CDK14: variants seen among roughly 807,000 people sequenced by gnomAD.
CDK14 encodes cyclin-dependent kinase 14.
Under a neutral mutation model 60.7 loss-of-function variants are expected in CDK14, and 34 were observed. The observed-to-expected ratio is 0.56, with a 90% CI of 0.43 to 0.75. CDK14 has a LOEUF of 0.75. Among genes scored for constraint, CDK14 ranks in the 30% least tolerant of loss-of-function variants. CDK14 has a pLI of 0.00. For missense variants in CDK14, 482 were observed against 564.1 expected (o/e 0.85, Z 1.47); for synonymous variants, 197 against 203.7 (o/e 0.97, Z 0.28).
intron 4 of CDK14, among the ~76,000 whole-genome samples, chr7:90,761,297 T>G (rs1804301862): frequency 6.6e-6 from 1 of 151,700 alleles, no homozygotes; most frequent in Non-Finnish European, 1.5e-5. Context: ...ATGTCAGCTA[T>G]GCCCATCTGG....
chr7:90,962,664 A>G (rs1794635394), intron 9 of CDK14, among the ~76,000 whole-genome samples: 1 of 152,174 alleles, frequency 6.6e-6, no homozygotes, highest in Non-Finnish European at 1.5e-5. Context: ...ACTACCAAAT[A>G]TTTTTAAGAA....
intron 11 of CDK14, among the ~76,000 whole-genome samples, chr7:91,063,704 G>A (rs915879463): frequency 1.3e-5 from 2 of 152,186 alleles, no homozygotes; most frequent in African/African-American, 4.8e-5. Context: ...CGTATTTGTG[G>A]ATTTTATTCA....
intron 10 of CDK14, among the ~76,000 whole-genome samples, chr7:91,026,964 C>T (rs908682823): frequency 1.3e-5 from 2 of 152,098 alleles, no homozygotes; most frequent in African/African-American, 4.8e-5. Flanking sequence ...TTCCTTGGTA[C>T]ACTTAGGCAA....
At chr7:91,031,389 G>A (rs945605084) in intron 10 of CDK14, among the ~76,000 whole-genome samples, 8 of 151,622 alleles carry the variant, frequency 5.3e-5, no homozygotes, top group East Asian at 1.9e-4. Context: ...GAGTTTGGAC[G>A]AATCTTAGCA....
intron 14 of CDK14, among the ~76,000 whole-genome samples, chr7:91,139,947 T>C (rs1002940427): frequency 6.6e-6 from 1 of 151,714 alleles, no homozygotes; most frequent in African/African-American, 2.4e-5. Flanking sequence ...TTAATCCCAT[T>C]GAAAAAAACT....
intron 14 of CDK14, among the ~76,000 whole-genome samples, chr7:91,160,157 G>A: frequency 6.6e-6 from 1 of 152,084 alleles, no homozygotes; most frequent in South Asian, 2.1e-4. Context: ...TGTTCAGGAG[G>A]GAGAAAATGA....
rs535908755 is a variant in CDK14, at chr7:90,603,986, G to A, written c.92-232G>A. 3.9e-5 allele frequency among the ~76,000 whole-genome samples: 6 copies of A among 152,308 alleles called. 1 individual carries two copies. In the South Asian group the frequency reaches 1.2e-3, roughly 32 times the overall value. ...GTGTGCTTCTTTCTAATATCTGGGA[G>A]GATAGTTCTATTTGCATATTTATAA... On this transcript the variant is annotated intron_variant, in intron 1 of 14. Coordinates refer to ENST00000380050, the MANE Select transcript of CDK14 (RefSeq NM_001287135.2).
chr7:90,656,070 G>T (rs1404169142), intron 2 of CDK14, among the ~76,000 whole-genome samples: 2 of 152,144 alleles, frequency 1.3e-5, no homozygotes, highest in African/African-American at 4.8e-5. Context: ...AACCTTTTGC[G>T]ACTTCCAGGC....
At chr7:90,810,457 T>G (rs1235928893) in intron 5 of CDK14, among the ~76,000 whole-genome samples, 1 of 152,174 alleles carries the variant, frequency 6.6e-6, no homozygotes, top group Non-Finnish European at 1.5e-5. Flanking sequence ...AATTAGGTAT[T>G]GATGGGAGGT....
intron 8 of CDK14, among the ~76,000 whole-genome samples, chr7:90,921,053 T>A (rs1793234966): frequency 1.3e-5 from 2 of 152,240 alleles, no homozygotes; most frequent in South Asian, 4.1e-4. Context: ...GCTTTCCTAA[T>A]GCAGAGGTTT....
intron 2 of CDK14, among the ~76,000 whole-genome samples, chr7:90,684,087 A>G (rs1204790015): frequency 6.6e-6 from 1 of 152,170 alleles, no homozygotes; most frequent in Non-Finnish European, 1.5e-5. Flanking sequence ...CCTAACTTGC[A>G]ACGACTTCAA....
At chr7:90,929,064 A>G (rs375789516) in intron 8 of CDK14, among the ~76,000 whole-genome samples, 1 of 152,076 alleles carries the variant, frequency 6.6e-6, no homozygotes, top group Non-Finnish European at 1.5e-5. Context: ...TGCTAATTCC[A>G]TTGGAACAGC....
At chr7:90,608,860 T>C (rs7781192) in intron 2 of CDK14, among the ~76,000 whole-genome samples, 48,153 of 152,036 alleles carry the variant, frequency 0.32, 8,642 homozygotes, top group East Asian at 0.67. Context: ...CTACATCTGG[T>C]CTGTGAGTGC....
At chr7:90,608,424 T>TG (rs34031158) in intron 2 of CDK14, 74,438 of 259,132 alleles carry the variant, frequency 0.29, 11,839 homozygotes, top group Non-Finnish European at 0.33. Context: ...TATGTGTATG[T>TG]GGAAATAGTT....
chr7:90,868,883 C>A (rs1272530756), intron 6 of CDK14, among the ~76,000 whole-genome samples: 2 of 152,110 alleles, frequency 1.3e-5, no homozygotes, highest in African/African-American at 2.4e-5. Flanking sequence ...GTCTTCTGTG[C>A]CTAAAGATGC....
intron 8 of CDK14, among the ~76,000 whole-genome samples, chr7:90,950,197 C>G (rs1794215123): frequency 6.6e-6 from 1 of 152,142 alleles, no homozygotes; most frequent in Admixed American, 6.5e-5. Flanking sequence ...GTGCCTCAGC[C>G]TCTCGAGTAC....
intron 9 of CDK14, among the ~76,000 whole-genome samples, chr7:90,957,790 C>T (rs892036738): frequency 2.6e-5 from 4 of 151,874 alleles, no homozygotes; most frequent in East Asian, 3.9e-4. Flanking sequence ...AGGTAATTTA[C>T]AGATTCAATG....
At chr7:91,122,935 C>T (rs1465274635) in intron 14 of CDK14, among the ~76,000 whole-genome samples, 2 of 152,130 alleles carry the variant, frequency 1.3e-5, no homozygotes, top group Admixed American at 6.5e-5. Context: ...AACTGGTTGG[C>T]CAACCTGTTT....
chr7:91,152,546 A>G (rs1435844574), intron 14 of CDK14, among the ~76,000 whole-genome samples: 1 of 152,152 alleles, frequency 6.6e-6, no homozygotes, highest in Non-Finnish European at 1.5e-5. Context: ...ACCTGTACTT[A>G]TTTTACATAA....
Sources: gnomAD v4.1 joint callset for allele counts (sites outside exome capture counted in the v4.1 genomes callset) on GRCh38, gnomAD v4.1.1 for gene constraint, MANE v1.5 for transcripts, NCBI Gene and HGNC (gene_info 2026-07-23, HGNC 2026-07-21) for gene names.